CATSPERE: variants seen among roughly 807,000 people sequenced by gnomAD.
The protein encoded by CATSPERE is catsper channel auxiliary subunit epsilon, also known as cation channel sperm-associated auxiliary subunit epsilon.
A neutral mutation model predicts 114.1 loss-of-function variants in CATSPERE; 93 were observed. The observed-to-expected ratio is 0.81, with a 90% CI of 0.69 to 0.97. CATSPERE has a LOEUF of 0.97. Ranked by LOEUF, CATSPERE falls within the 50% of genes least tolerant of loss-of-function variation. The pLI is 0.00. For missense variants in CATSPERE, 1,058 were observed against 1,131.6 expected (o/e 0.93, Z 0.93); for synonymous variants, 341 against 384.1 (o/e 0.89, Z 1.31).
At chr1:244,614,284 A>T (rs1286980792) in intron 19 of CATSPERE, among the ~76,000 whole-genome samples, 1 of 152,186 alleles carries the variant, frequency 6.6e-6, no homozygotes, top group Non-Finnish European at 1.5e-5. Context: ...CAAGCTGTTG[A>T]GTCTCTCCCC....
intron 8 of CATSPERE, among the ~76,000 whole-genome samples, chr1:244,524,648 A>G (rs1678210393): frequency 6.6e-6 from 1 of 151,828 alleles, no homozygotes; most frequent in Non-Finnish European, 1.5e-5. Context: ...ACAAGAAAAA[A>G]ACAAACAACC....
At chr1:244,534,695 T>G (rs1680113215) in intron 8 of CATSPERE, among the ~76,000 whole-genome samples, 1 of 152,226 alleles carries the variant, frequency 6.6e-6, no homozygotes, top group African/African-American at 2.4e-5. Context: ...TTATCTGAGT[T>G]TCCTCAAAAT....
chr1:244,540,834 C>T (rs368940587), intron 8 of CATSPERE, among the ~76,000 whole-genome samples: 3,302 of 74,862 alleles, frequency 0.044, 253 homozygotes, highest in Non-Finnish European at 0.075. Context: ...CATAACAGAG[C>T]CCTCAGAAAT....
In CATSPERE at chr1:244,477,596, G is replaced by C; in HGVS notation, c.170G>C (p.Cys57Ser). Residue 57 changes from cysteine to serine, a missense_variant, in exon 3 of 22, where the codon TGT becomes TCT. Coordinates refer to ENST00000366534, the MANE Select transcript of CATSPERE (RefSeq NM_001130957.2). ...LFTEWSVPET[C>S]FVLNKSSPTT... ...ACTGAGTGGAGTGTGCCAGAAACTT[G>C]TTTTGTGCTAAATAAAAGGTAAGAT... 1 of 1,593,584 alleles carries C rather than the reference G, an allele frequency of 6.3e-7. No homozygotes were observed. Among genetic ancestry groups the C allele is most frequent in the Non-Finnish European group, 8.6e-7 (1 of 1,162,298 alleles).
intron 21 of CATSPERE, among the ~76,000 whole-genome samples, chr1:244,638,926 T>C (rs1292690169): frequency 6.6e-6 from 1 of 152,210 alleles, no homozygotes; most frequent in Non-Finnish European, 1.5e-5. Context: ...ATAACTGCCT[T>C]TTCTACCTTC....
intron 5 of CATSPERE, among the ~76,000 whole-genome samples, chr1:244,487,099 C>T (rs1425167501): frequency 1.5e-5 from 2 of 129,534 alleles, no homozygotes; most frequent in African/African-American, 3.0e-5. Context: ...GGGCCAGGTA[C>T]AGACCCTCGT....
chr1:244,556,043 A>C (rs759859674), intron 9 of CATSPERE, among the ~76,000 whole-genome samples: 1 of 152,094 alleles, frequency 6.6e-6, no homozygotes, highest in East Asian at 1.9e-4. Flanking sequence ...TAAAAAATTT[A>C]AAAAGTTAAT....
intron 8 of CATSPERE, among the ~76,000 whole-genome samples, chr1:244,526,512 G>C (rs1237030259): frequency 6.6e-6 from 1 of 151,784 alleles, no homozygotes; most frequent in Non-Finnish European, 1.5e-5. Flanking sequence ...AGAGAGACTA[G>C]AAAAAAAATA....
chr1:244,451,833 A>ATC, upstream of CATSPERE: 1 of 1,566,530 alleles, frequency 6.4e-7, no homozygotes, highest in Non-Finnish European at 8.6e-7. The surrounding 1 kb of genome is among the most constrained non-coding windows in gnomAD (Gnocchi z 6.6). Context: ...CAGTGACGCG[A>ATC]GGAGAGCCCG....
At chr1:244,598,973 A>G (rs947591230) in intron 17 of CATSPERE, among the ~76,000 whole-genome samples, 14 of 152,154 alleles carry the variant, frequency 9.2e-5, no homozygotes, top group Non-Finnish European at 2.9e-5. Context: ...AATAAACCCT[A>G]AAATCCCAGT....
At position 244,630,387 on chromosome 1, in the gene CATSPERE, G is replaced by C. The variant is rs533246118; in HGVS notation, c.2649-5102G>C. ...AAAACTCATTCAGGTTGGAATAGCA[G>C]TTTGTTAAAGATTTACATGTTAGTG... On this transcript the variant is annotated intron_variant, in intron 20 of 21. Coordinates refer to ENST00000366534, the MANE Select transcript of CATSPERE (RefSeq NM_001130957.2). Among the ~76,000 whole-genome samples the C allele has an allele frequency of 2.0e-5, 3 of 152,302 alleles. No individual in the cohort carries two copies. The South Asian group carries it at 6.2e-4, about 32-fold the overall frequency.
At chr1:244,520,369 C>T (rs1677323850) in intron 8 of CATSPERE, among the ~76,000 whole-genome samples, 1 of 152,076 alleles carries the variant, frequency 6.6e-6, no homozygotes, top group Non-Finnish European at 1.5e-5. Context: ...CTAGTTGTCC[C>T]AGCATAATTT....
At chr1:244,610,779 G>A (rs1670616284) in intron 19 of CATSPERE, among the ~76,000 whole-genome samples, 1 of 144,360 alleles carries the variant, frequency 6.9e-6, no homozygotes, top group African/African-American at 2.7e-5. Flanking sequence ...TTGAGACAGA[G>A]TCTCTCTCTG....
intron 6 of CATSPERE, among the ~76,000 whole-genome samples, chr1:244,491,101 G>A (rs1341110449): frequency 1.3e-5 from 2 of 152,136 alleles, no homozygotes; most frequent in East Asian, 1.9e-4. Flanking sequence ...GGACCTAATA[G>A]ACATCTACAG....
intron 11 of CATSPERE, among the ~76,000 whole-genome samples, chr1:244,578,843 T>TATAC (rs756669283): frequency 0.014 from 2,016 of 139,572 alleles, 13 homozygotes; most frequent in Middle Eastern, 0.029. Flanking sequence ...TATATATATA[T>TATAC]ACACACACAC....
chr1:244,462,774 A>G (rs1205075214), intron 1 of CATSPERE, among the ~76,000 whole-genome samples: 1 of 152,240 alleles, frequency 6.6e-6, no homozygotes, highest in African/African-American at 2.4e-5. Flanking sequence ...AAACATAAGA[A>G]TTCAGAGTGC....
upstream of CATSPERE, among the ~76,000 whole-genome samples, chr1:244,456,956 A>C (rs1283023645): frequency 6.6e-6 from 1 of 152,238 alleles, no homozygotes; most frequent in East Asian, 1.9e-4. Context: ...AAAGATTGTA[A>C]GAAGGCATAG....
At chr1:244,545,773 G>T (rs1057277342) in intron 8 of CATSPERE, among the ~76,000 whole-genome samples, 1 of 152,184 alleles carries the variant, frequency 6.6e-6, no homozygotes, top group Non-Finnish European at 1.5e-5. Context: ...TCCATTATCA[G>T]ATTGAAGTGG....
chr1:244,503,493 C>G (rs928417279), intron 7 of CATSPERE, among the ~76,000 whole-genome samples: 8 of 152,088 alleles, frequency 5.3e-5, no homozygotes, highest in Non-Finnish European at 1.0e-4. Context: ...ATCACGTTTA[C>G]CCTCTTATCA....
Sources: allele counts gnomAD v4.1 joint callset (sites outside exome capture counted in the v4.1 genomes callset), GRCh38; gene constraint gnomAD v4.1.1; non-coding constraint Gnocchi (gnomAD v3.1); transcripts MANE v1.5; gene names NCBI Gene and HGNC (gene_info 2026-07-23, HGNC 2026-07-21).